ZFR2: variants seen among roughly 807,000 people sequenced by gnomAD.
The protein encoded by ZFR2 is zinc finger RNA-binding protein 2.
ZFR2 carries 104 observed loss-of-function variants against 105.7 expected under a neutral mutation model. The observed-to-expected ratio is 0.98, with a 90% CI of 0.84 to 1.16. ZFR2 has a LOEUF of 1.16. Ranked by LOEUF, ZFR2 falls within the 50% of genes most tolerant of loss-of-function variation. The probability of loss-of-function intolerance (pLI) is 0.00; values close to 1 mark genes in which losing one functional copy is unlikely to be tolerated. For missense variants in ZFR2, 1,425 were observed against 1,355.5 expected (o/e 1.05, Z -0.80); for synonymous variants, 634 against 597.7 (o/e 1.06, Z -0.89).
In ZFR2 at chr19:3,821,022, C is replaced by T. The variant is rs540307145; in HGVS notation, c.1631+318G>A. On this transcript the variant is annotated intron_variant, in intron 10 of 18. Coordinates refer to ENST00000262961, the MANE Select transcript of ZFR2 (RefSeq NM_015174.2). ...CTAGAGGTCGGGGACACAGGGACAC[C>T]GGGGGTCGGGGGACACAGGTCACAA... 2.0e-3 allele frequency among the ~76,000 whole-genome samples: 289 copies of T among 143,530 alleles called. 3 individuals are homozygous for T. The highest frequency in any genetic ancestry group is 0.017 in the Admixed American group (251 of 14,368). The allele number at this position is 143,530 out of a possible 152,430, so 94.2% of individuals were successfully genotyped here. A position where few individuals can be genotyped will look rare whatever the true frequency, so the allele number is the denominator to read the frequency against.
In ZFR2 at chr19:3,834,814, G is replaced by A. The variant is rs781423397; in HGVS notation, c.223C>T (p.Gln75Ter). 4 of 1,612,222 alleles carry A rather than the reference G, an allele frequency of 2.5e-6. No homozygotes were observed. The highest frequency in any genetic ancestry group is 3.4e-6 in the Non-Finnish European group (4 of 1,179,626). The change falls in exon 2 of 19, where the codon CAG becomes TAG. Residue 75 changes from glutamine to a stop codon, truncating the protein, a stop_gained. Transcript: ENST00000262961. LOFTEE classifies it high-confidence loss of function. This position sits in a 1 kb window ranked among gnomAD's most constrained non-coding sequence, Gnocchi z 5.3. The stretch of plus-strand genomic sequence containing the variant: ...GTGGTGGCCGTGGGGACGGGCTCCT[G>A]GGGTCGGCTGCCGTAGGCGAAGTCC... ...GQDFAYGSRP[Q>*]EPVPTATTMA...
rs1049980750 is a variant in ZFR2, at chr19:3,834,316, G to A, written c.264+457C>T. On this transcript the variant is annotated intron_variant, in intron 2 of 18. Coordinates refer to ENST00000262961, the MANE Select transcript of ZFR2 (RefSeq NM_015174.2). The surrounding 1 kb of genome is among the most constrained non-coding windows in gnomAD (Gnocchi z 5.3). The stretch of plus-strand genomic sequence containing the variant: ...GTGCCTCGGTTGGGAAGGTGAGGTC[G>A]TCAGCACCCAGGTGCACCCCACACA... Among the ~76,000 whole-genome samples the A allele has an allele frequency of 1.2e-4, 18 of 148,606 alleles. No homozygotes were observed. Among genetic ancestry groups the A allele is most frequent in the Non-Finnish European group, 2.2e-4 (15 of 66,918 alleles).
At chr19:3,814,015 A>C (rs2037799947) in intron 13 of ZFR2, 57 bp from the exon 14 acceptor site, 3 of 1,602,682 alleles carry the variant, frequency 1.9e-6, no homozygotes, top group African/African-American at 2.7e-5. Context: ...TTCATGTGTA[A>C]ATCAGCCAGG....
At chr19:3,819,344 C>A in intron 11 of ZFR2, 109 bp from the exon 12 acceptor site, 1 of 1,186,314 alleles carries the variant, frequency 8.4e-7, no homozygotes, top group Non-Finnish European at 1.1e-6. Flanking sequence ...GGTTACGAGG[C>A]GGCAGCGTGG....
intron 18 of ZFR2, 83 bp from the exon 19 acceptor site, chr19:3,806,208 G>A: frequency 7.3e-7 from 1 of 1,363,534 alleles, no homozygotes. Flanking sequence ...GGTGTCTGTG[G>A]CCACCAGCAG....
At chr19:3,845,362 C>T (rs1358080636) in intron 1 of ZFR2, among the ~76,000 whole-genome samples, 1 of 151,940 alleles carries the variant, frequency 6.6e-6, no homozygotes, top group Non-Finnish European at 1.5e-5. Context: ...TGCCTCACAC[C>T]TGTAATCCCA....
At chr19:3,810,018 C>T (rs910988745) in intron 16 of ZFR2, among the ~76,000 whole-genome samples, 6 of 152,202 alleles carry the variant, frequency 3.9e-5, no homozygotes, top group Non-Finnish European at 7.3e-5. Flanking sequence ...AACAAACAAA[C>T]GCCTCTGTAC....
intron 1 of ZFR2, 39 bp downstream of exon 1, chr19:3,868,926 G>A: frequency 7.8e-7 from 1 of 1,277,370 alleles, no homozygotes; most frequent in South Asian, 2.9e-5. Flanking sequence ...AGGCTGCAGG[G>A]GCCGGGACTG....
Position 3,807,300 on chromosome 19 carries a change from A to C in ZFR2, c.2546-31T>G, listed in dbSNP as rs777046464. ...TGACGGGGAGTGGGAACAGCAAAGA[A>C]GGCGAGAATGCCCTCGTGAAAGACG... is the stretch of plus-strand genomic sequence containing the variant. On this transcript the variant is annotated intron_variant, in intron 17 of 18. Transcript: ENST00000262961. The C allele has an allele frequency of 4.0e-6, 6 of 1,497,854 alleles. 1 individual carries two copies. The African/African-American group carries it at 6.9e-5, about 17-fold the overall frequency. The allele number at this position is 1,497,854 out of a possible 1,614,324, so 92.8% of individuals were successfully genotyped here. A position where few individuals can be genotyped will look rare whatever the true frequency, so the allele number is the denominator to read the frequency against.
intron 9 of ZFR2, among the ~76,000 whole-genome samples, 156 bp from the exon 10 acceptor site, chr19:3,821,635 CAG>C (rs1184418462): frequency 3.7e-5 from 4 of 108,648 alleles, no homozygotes; most frequent in Admixed American, 1.3e-4. Context: ...TTTTTCGAGA[CAG>C]AGTCTTGCTC....
chr19:3,866,164 G>A (rs1007211634), intron 1 of ZFR2, among the ~76,000 whole-genome samples: 9 of 152,110 alleles, frequency 5.9e-5, no homozygotes, highest in Non-Finnish European at 8.8e-5. Flanking sequence ...TTTAAAAGCA[G>A]CCAAAGTTTC....
intron 17 of ZFR2, among the ~76,000 whole-genome samples, chr19:3,807,504 G>A (rs941244851): frequency 2.0e-5 from 3 of 152,214 alleles, no homozygotes; most frequent in Non-Finnish European, 2.9e-5. Context: ...TCTCCTGGGC[G>A]TTGTGTGTGT....
intron 1 of ZFR2, among the ~76,000 whole-genome samples, chr19:3,855,755 A>AG (rs1396706591): frequency 6.6e-6 from 1 of 152,020 alleles, no homozygotes; most frequent in Non-Finnish European, 1.5e-5. Context: ...AGCGCATTTG[A>AG]GCAGAGGGAA....
chr19:3,822,760 C>G (rs1045020111), intron 8 of ZFR2, among the ~76,000 whole-genome samples: 1 of 152,138 alleles, frequency 6.6e-6, no homozygotes, highest in Admixed American at 6.5e-5. Flanking sequence ...GAAACCCAGC[C>G]CTGCCTCTTT....
At chr19:3,827,344 G>T in intron 6 of ZFR2, 127 bp downstream of exon 6, 1 of 1,186,108 alleles carries the variant, frequency 8.4e-7, no homozygotes, top group Non-Finnish European at 1.1e-6. Context: ...GGCCCTTGGG[G>T]CGCGCTCCAC....
intron 14 of ZFR2, among the ~76,000 whole-genome samples, chr19:3,811,949 G>A (rs564609910): frequency 1.6e-3 from 234 of 144,524 alleles, no homozygotes; most frequent in Non-Finnish European, 3.2e-3. Context: ...TTATTTATTT[G>A]TTTGTTTGTG....
Position 3,825,249 on chromosome 19 carries a change from G to A in ZFR2, c.1194C>T (p.Ala398=), listed in dbSNP as rs765167233. The change falls in exon 7 of 19, where the codon GCC becomes GCT. Residue 398 remains alanine, a synonymous_variant. Transcript: ENST00000262961. ...ACGTACCCTCGCATAAGGCCTTCGA[G>A]GCCACGGGTCTCTTGGCCAGCGCTG... ...SRPALAKRPV[A]SKALCEGPPE... 8 of 1,550,044 alleles carry A rather than the reference G, an allele frequency of 5.2e-6. No homozygotes were observed. The Admixed American group carries it at 1.5e-4, about 30-fold the overall frequency.
chr19:3,841,285 C>T (rs965248145), intron 1 of ZFR2, among the ~76,000 whole-genome samples: 3 of 152,224 alleles, frequency 2.0e-5, no homozygotes, highest in African/African-American at 7.2e-5. Context: ...CCTCACTCCT[C>T]GGCAGGGCCA....
At position 3,816,761 on chromosome 19, in the gene ZFR2, C is replaced by T; in HGVS notation, c.2016G>A (p.Arg672=). ...AGCAGAGCAGAGCGAGGCGCACGTT[C>T]CTGTCCCCACGCAGGAGGAGGCCTT... is the stretch of plus-strand genomic sequence containing the variant. ...LAKGLLLRGD[R]NVRLALLCSE... is the part of the protein sequence containing the mutation. The change falls in exon 13 of 19, where the codon AGG becomes AGA. Residue 672 remains arginine (R), a synonymous_variant. Transcript: ENST00000262961. 1 of 1,611,590 alleles carries T rather than the reference C, an allele frequency of 6.2e-7. No individual in the cohort carries two copies. The highest frequency in any genetic ancestry group is 2.2e-5 in the East Asian group (1 of 44,852).
Sources: allele counts gnomAD v4.1 joint callset (sites outside exome capture counted in the v4.1 genomes callset), GRCh38; gene constraint gnomAD v4.1.1; non-coding constraint Gnocchi (gnomAD v3.1); transcripts MANE v1.5; gene names NCBI Gene and HGNC (gene_info 2026-07-23, HGNC 2026-07-21).